The following DENND4A variants were observed in gnomAD, a reference collection of about 807,000 sequenced individuals.
The protein encoded by DENND4A is C-myc promoter-binding protein.
A neutral mutation model predicts 199.3 loss-of-function variants in DENND4A; 70 were observed. The observed-to-expected ratio is 0.35, with a 90% CI of 0.29 to 0.43. The LOEUF is 0.43. Among genes scored for constraint, DENND4A ranks in the 20% least tolerant of loss-of-function variants. The pLI, the probability that DENND4A is intolerant of heterozygous loss-of-function variation, is 1.00. For synonymous variants in DENND4A, 686 were observed against 766.9 expected (o/e 0.89, Z 1.74); for missense variants, 1,723 against 2,255.8 (o/e 0.76, Z 4.78).
chr15:65,691,581 A>G, intron 22 of DENND4A, 70 bp from the exon 23 acceptor site: 1 of 1,416,416 alleles, frequency 7.1e-7, no homozygotes, highest in Non-Finnish European at 9.3e-7. Flanking sequence ...TAAATATTTA[A>G]AATTCTAGTG....
chr15:65,696,637 T>C (rs2077155265), intron 21 of DENND4A, 140 bp from the exon 22 acceptor site: 2 of 550,148 alleles, frequency 3.6e-6, no homozygotes, highest in Non-Finnish European at 6.2e-6. Context: ...TATCTGTTTG[T>C]CAACCACAAA....
chr15:65,668,158 G>A (rs746694011), intron 27 of DENND4A, 35 bp from the exon 28 acceptor site: 16 of 1,438,798 alleles, frequency 1.1e-5, no homozygotes, highest in African/African-American at 1.5e-5. Flanking sequence ...GTGTATCAGT[G>A]TCTAGATTTA....
chr15:65,778,893 C>CA (rs375471173), intron 1 of DENND4A, among the ~76,000 whole-genome samples: 52,081 of 107,044 alleles, frequency 0.49, 11,428 homozygotes, highest in East Asian at 0.77. Context: ...GACTCCGCAT[C>CA]AAAAAAAAAA....
chr15:65,685,858 T>C (rs1243193588), intron 23 of DENND4A, among the ~76,000 whole-genome samples: 3 of 152,240 alleles, frequency 2.0e-5, no homozygotes, highest in Non-Finnish European at 4.4e-5. Flanking sequence ...AGTTTATTTC[T>C]GGAGTCTAAA....
chr15:65,746,927 C>T (rs566868550), intron 4 of DENND4A, among the ~76,000 whole-genome samples: 6 of 148,742 alleles, frequency 4.0e-5, no homozygotes, highest in African/African-American at 9.9e-5. Flanking sequence ...AAAACCCTGT[C>T]TCTACTAAAA....
In DENND4A at chr15:65,659,341, T is replaced by G. The variant is rs1474190690; in HGVS notation, c.*2510A>C. ...TTTCTGGTTTTTTTTTTTTTTTTTT[T>G]TTTTTTTTTTGAGACAGGGTCTTGC... On this transcript the variant is annotated 3_prime_UTR_variant, in exon 33 of 33. Coordinates refer to ENST00000443035, the MANE Select transcript of DENND4A (RefSeq NM_001320835.1). 7.4e-5 allele frequency: 10 copies of G among 135,446 alleles called. No individual in the cohort carries two copies. Among genetic ancestry groups the G allele is most frequent in the African/African-American group, 2.7e-4 (10 of 37,012 alleles). 8.4% of individuals were successfully genotyped at this position (135,446 alleles called of 1,614,324 possible).
At chr15:65,739,774 A>G (rs1273198091) in intron 5 of DENND4A, among the ~76,000 whole-genome samples, 1 of 152,254 alleles carries the variant, frequency 6.6e-6, no homozygotes, top group East Asian at 1.9e-4. Flanking sequence ...TTCTAAAATT[A>G]TTTAATTACA....
chr15:65,785,419 G>C (rs1191769539), intron 1 of DENND4A, among the ~76,000 whole-genome samples: 1 of 150,842 alleles, frequency 6.6e-6, no homozygotes, highest in Non-Finnish European at 1.5e-5. Flanking sequence ...GAGCCCAAGG[G>C]GTTGAGGTTG....
At chr15:65,758,977 C>T (rs1483024081) in intron 2 of DENND4A, among the ~76,000 whole-genome samples, 4 of 152,152 alleles carry the variant, frequency 2.6e-5, no homozygotes, top group African/African-American at 7.2e-5. Context: ...ACAATCTTCC[C>T]TTGTAGACCA....
At chr15:65,672,975 C>T (rs2076262922) in intron 24 of DENND4A, among the ~76,000 whole-genome samples, 1 of 151,894 alleles carries the variant, frequency 6.6e-6, no homozygotes. Context: ...ATTCTCCTGC[C>T]TCAGCCTCCC....
chr15:65,752,656 C>T (rs1224235443), intron 3 of DENND4A, 28 bp from the exon 4 acceptor site: 3 of 1,349,254 alleles, frequency 2.2e-6, no homozygotes, highest in Non-Finnish European at 1.0e-6. Flanking sequence ...AAAATAAATA[C>T]ACAAAGCACT....
chr15:65,756,200 C>T lies in DENND4A; in HGVS notation c.251G>A (p.Gly84Glu), dbSNP rs1199998728. The T allele has an allele frequency of 2.5e-6, 4 of 1,611,458 alleles. No homozygotes were observed. Among genetic ancestry groups the T allele is most frequent in the Non-Finnish European group, 3.4e-6 (4 of 1,178,712 alleles). ...TCTATAGCAAAGGTAAATCTGTGGC[C>T]CCACAAGACTTCCATTATTAAGATC... ...SADLNNGSLV[G>E]PQIYLCYRRG... The change falls in exon 3 of 33, where the codon GGG becomes GAG. Residue 84 changes from glycine to glutamate, a missense_variant. Transcript: ENST00000443035.
intron 13 of DENND4A, among the ~76,000 whole-genome samples, chr15:65,716,335 G>T (rs1253535347): frequency 6.6e-6 from 1 of 150,584 alleles, no homozygotes; most frequent in Admixed American, 6.6e-5. Flanking sequence ...ATGTTGGTGT[G>T]CTGCACCCAT....
At chr15:65,707,644 A>G (rs1177923321) in intron 14 of DENND4A, among the ~76,000 whole-genome samples, 5 of 152,186 alleles carry the variant, frequency 3.3e-5, no homozygotes, top group Admixed American at 3.3e-4. Flanking sequence ...CAAAATAACA[A>G]TAAATGAGAA....
chr15:65,772,096 G>C (rs1233075428), intron 1 of DENND4A: 2 of 958,542 alleles, frequency 2.1e-6, no homozygotes, highest in Non-Finnish European at 3.4e-6. Flanking sequence ...AGAGCCTCCT[G>C]GACGATGTCG....
At chr15:65,696,217 C>T in intron 22 of DENND4A, 149 bp downstream of exon 22, 1 of 933,356 alleles carries the variant, frequency 1.1e-6, no homozygotes, top group Non-Finnish European at 1.5e-6. Context: ...AAATATAGAA[C>T]TCAAGTTACT....
intron 23 of DENND4A, among the ~76,000 whole-genome samples, 179 bp downstream of exon 23, chr15:65,690,236 T>C (rs1388864551): frequency 6.6e-6 from 1 of 152,206 alleles, no homozygotes; most frequent in African/African-American, 2.4e-5. Context: ...CTTAGTAAGT[T>C]TTCTTTTCTT....
chr15:65,748,634 A>G (rs1424154477), intron 4 of DENND4A, among the ~76,000 whole-genome samples: 1 of 151,244 alleles, frequency 6.6e-6, no homozygotes, highest in Non-Finnish European at 1.5e-5. Flanking sequence ...AAAAAAAAAA[A>G]ACAAACAAAA....
intron 1 of DENND4A, among the ~76,000 whole-genome samples, chr15:65,780,522 A>G (rs2077410482): frequency 6.6e-6 from 1 of 152,222 alleles, no homozygotes; most frequent in African/African-American, 2.4e-5. Flanking sequence ...TCCTAGAAAG[A>G]CTAATGGTCA....
Sources: allele counts gnomAD v4.1 joint callset (sites outside exome capture counted in the v4.1 genomes callset), GRCh38; gene constraint gnomAD v4.1.1; transcripts MANE v1.5; gene names NCBI Gene and HGNC (gene_info 2026-07-23, HGNC 2026-07-21).